NPAS3: variants seen among roughly 807,000 people sequenced by gnomAD.
NPAS3 encodes neuronal PAS domain-containing protein 3.
In NPAS3, 14 loss-of-function variants were observed where a neutral mutation model predicts 73.1. The ratio of observed to expected loss-of-function variants is 0.19; its 90% confidence interval spans 0.13 to 0.30. The LOEUF (loss-of-function observed/expected upper bound fraction) is 0.30, where lower values mean the gene tolerates loss of function less well. Ranked by LOEUF, NPAS3 falls within the 10% of genes least tolerant of loss-of-function variation. The probability of loss-of-function intolerance (pLI) is 1.00; values close to 1 mark genes in which losing one functional copy is unlikely to be tolerated. For synonymous variants in NPAS3, 620 were observed against 541.5 expected (o/e 1.14, Z -2.01); for missense variants, 1,096 against 1,250.0 (o/e 0.88, Z 1.86).
intron 5 of NPAS3, among the ~76,000 whole-genome samples, chr14:33,587,701 T>G (rs1184991760): frequency 6.6e-6 from 1 of 152,256 alleles, no homozygotes; most frequent in Non-Finnish European, 1.5e-5. Context: ...TGTAGTATAC[T>G]ATAGTGTATC....
At chr14:33,016,677 G>A (rs185752768) in intron 1 of NPAS3, among the ~76,000 whole-genome samples, 55 of 148,884 alleles carry the variant, frequency 3.7e-4, no homozygotes, top group African/African-American at 1.2e-3. Flanking sequence ...GTGGGATCCT[G>A]TAGCAGTTTT....
chr14:33,059,734 A>G lies in NPAS3; in HGVS notation c.140+3740A>G, dbSNP rs539545011. ...GTCAATCTTATAAAAATATTTTCAA[A>G]TACAAAAGTAAAAGTAGCATAGTCT... On this transcript the variant is annotated intron_variant, in intron 2 of 11. Transcript: ENST00000356141. Among the ~76,000 whole-genome samples, 8 of 152,366 alleles carry G rather than the reference A, an allele frequency of 5.3e-5. No homozygotes were observed. In the East Asian group the frequency reaches 1.5e-3, roughly 29 times the overall value.
chr14:33,132,587 C>T (rs1231996879), intron 2 of NPAS3, among the ~76,000 whole-genome samples: 1 of 151,940 alleles, frequency 6.6e-6, no homozygotes, highest in East Asian at 1.9e-4. Flanking sequence ...AGATGGATCC[C>T]TCAGGAGTGA....
intron 4 of NPAS3, among the ~76,000 whole-genome samples, chr14:33,498,935 A>AGAGAGT (rs1335110760): frequency 2.1e-5 from 2 of 94,902 alleles, no homozygotes; most frequent in African/African-American, 8.3e-5. Context: ...ACAGAGAGAG[A>AGAGAGT]GTGTGTGTGT....
chr14:33,365,011 G>C (rs185159180), intron 3 of NPAS3, among the ~76,000 whole-genome samples: 2 of 149,262 alleles, frequency 1.3e-5, no homozygotes, highest in South Asian at 2.1e-4. Flanking sequence ...TTTGGGGGAG[G>C]GGGGAGGGGA....
chr14:33,123,059 C>A (rs1210545883), intron 2 of NPAS3, among the ~76,000 whole-genome samples: 1 of 151,930 alleles, frequency 6.6e-6, no homozygotes, highest in East Asian at 1.9e-4. Context: ...TTGCTGCACA[C>A]AACAAAGATA....
At chr14:33,728,688 C>T (rs1004056166) in intron 6 of NPAS3, among the ~76,000 whole-genome samples, 2 of 152,178 alleles carry the variant, frequency 1.3e-5, no homozygotes, top group African/African-American at 2.4e-5. Flanking sequence ...TGCCCTGGCA[C>T]ATGGTAGAAG....
At chr14:33,131,186 T>C (rs918497580) in intron 2 of NPAS3, among the ~76,000 whole-genome samples, 1 of 152,140 alleles carries the variant, frequency 6.6e-6, no homozygotes, top group Admixed American at 6.6e-5. Flanking sequence ...AAGGAAAAAC[T>C]AGTTTTTAGT....
chr14:33,662,039 A>G (rs770380320), intron 5 of NPAS3, among the ~76,000 whole-genome samples: 3 of 152,228 alleles, frequency 2.0e-5, no homozygotes, highest in Non-Finnish European at 2.9e-5. Context: ...CAGAAGGCAC[A>G]ACACTATAGG....
At chr14:33,118,266 C>G (rs529681081) in intron 2 of NPAS3, among the ~76,000 whole-genome samples, 5 of 151,822 alleles carry the variant, frequency 3.3e-5, no homozygotes, top group South Asian at 2.1e-4. Context: ...GTATCTTTAG[C>G]TATGATGGGG....
chr14:33,365,721 C>T (rs183717960), intron 3 of NPAS3, among the ~76,000 whole-genome samples: 53 of 152,264 alleles, frequency 3.5e-4, no homozygotes, highest in African/African-American at 1.2e-3. Context: ...TTTCACAGTG[C>T]CTTGCAGACA....
At chr14:33,118,448 A>G (rs2043133094) in intron 2 of NPAS3, among the ~76,000 whole-genome samples, 1 of 152,134 alleles carries the variant, frequency 6.6e-6, no homozygotes, top group African/African-American at 2.4e-5. Flanking sequence ...GAAAATGTTT[A>G]TCTTTGTGGT....
intron 7 of NPAS3, among the ~76,000 whole-genome samples, chr14:33,742,444 C>T (rs2061678515): frequency 6.6e-6 from 1 of 152,208 alleles, no homozygotes; most frequent in Non-Finnish European, 1.5e-5. Flanking sequence ...TAGGTTTATA[C>T]TGTAGTCTAT....
In NPAS3 at chr14:33,800,173, C is replaced by A. The variant is rs1219176217; in HGVS notation, c.1866C>A (p.Ser622Arg). Residue 622 changes from serine to arginine, a missense_variant, in exon 12 of 12, where the codon AGC becomes AGA. Ser to Arg is a moderately radical substitution (Grantham distance 110). Coordinates refer to ENST00000356141, the Ensembl canonical transcript of NPAS3. The surrounding 1 kb of genome is among the most constrained non-coding windows in gnomAD (Gnocchi z 6.5). ...GCCGGCGCCTGTCCAGCGCGTCGAGCCCAGGCGGCCTGGACGCGGGCCTGG... is the reference window on the plus strand; with the variant it reads ...GCCGGCGCCTGTCCAGCGCGTCGAGACCAGGCGGCCTGGACGCGGGCCTGG... The A allele has an allele frequency of 1.2e-6, 2 of 1,608,748 alleles. No individual in the cohort carries two copies. Among genetic ancestry groups the A allele is most frequent in the East Asian group, 2.2e-5 (1 of 44,766 alleles).
At chr14:33,287,188 G>A (rs996139169) in intron 3 of NPAS3, among the ~76,000 whole-genome samples, 13 of 152,150 alleles carry the variant, frequency 8.5e-5, no homozygotes, top group Non-Finnish European at 1.9e-4. Flanking sequence ...CATATCTCTT[G>A]GAAATGCTGT....
chr14:33,231,917 C>A (rs1344494551), intron 3 of NPAS3, among the ~76,000 whole-genome samples: 3 of 152,106 alleles, frequency 2.0e-5, no homozygotes, highest in Non-Finnish European at 4.4e-5. Flanking sequence ...ATACTAGCCT[C>A]TGTGCAAAAA....
chr14:32,938,518 AG>A, upstream of NPAS3, among the ~76,000 whole-genome samples: 1 of 122,110 alleles, frequency 8.2e-6, no homozygotes, highest in Non-Finnish European at 1.8e-5. Flanking sequence ...AGAGAGAGAG[AG>A]AGAGAAGGGG....
intron 3 of NPAS3, among the ~76,000 whole-genome samples, chr14:33,236,729 A>G (rs1329564287): frequency 6.6e-6 from 1 of 152,094 alleles, no homozygotes; most frequent in African/African-American, 2.4e-5. Context: ...AGTCTGTGAC[A>G]TGGCAAAGTA....
chr14:33,732,479 C>T (rs2061424776), intron 6 of NPAS3, among the ~76,000 whole-genome samples: 1 of 152,196 alleles, frequency 6.6e-6, no homozygotes, highest in African/African-American at 2.4e-5. Context: ...CTTGAGAACC[C>T]ATGGCCATGG....
Sources: gnomAD v4.1 joint callset for allele counts (sites outside exome capture counted in the v4.1 genomes callset) on GRCh38, gnomAD v4.1.1 for gene constraint, Gnocchi (gnomAD v3.1) non-coding constraint, MANE v1.5 for transcripts, NCBI Gene and HGNC (gene_info 2026-07-23, HGNC 2026-07-21) for gene names.